EYA3: variants seen among roughly 807,000 people sequenced by gnomAD.
EYA3 encodes the protein protein phosphatase EYA3.
A neutral mutation model predicts 80.0 loss-of-function variants in EYA3; 39 were observed. The ratio of observed to expected loss-of-function variants is 0.49; its 90% CI spans 0.38 to 0.64. The LOEUF (loss-of-function observed/expected upper bound fraction) is 0.64. EYA3 is among the 30% of genes least tolerant of loss of function. The pLI is 0.00. For synonymous variants in EYA3, 206 were observed against 232.8 expected (o/e 0.88, Z 1.05); for missense variants, 523 against 676.1 (o/e 0.77, Z 2.51).
chr1:28,046,918 G>C (rs1380334116), intron 3 of EYA3, among the ~76,000 whole-genome samples: 1 of 151,654 alleles, frequency 6.6e-6, no homozygotes, highest in East Asian at 1.9e-4. Flanking sequence ...CGCAATCTTG[G>C]CTCACCACAA....
chr1:28,033,663 A>ATTTTT (rs1306134072), intron 6 of EYA3, among the ~76,000 whole-genome samples: 1 of 132,974 alleles, frequency 7.5e-6, no homozygotes, highest in Non-Finnish European at 1.7e-5. Context: ...TATTATTATT[A>ATTTTT]TTATTATTTT....
chr1:27,978,380 G>A lies in EYA3; in HGVS notation c.1635C>T (p.Ala545=), dbSNP rs774477492. The part of the protein sequence containing the change: ...IGDGRDEEIA[A]KQHNMPFWRI... The stretch of plus-strand genomic sequence containing the variant: ...TTTTCTTTACCATGGTTACCTGTTT[G>A]GCTGCAATTTCTTCATCTCGTCCAT... Residue 545 remains alanine, a synonymous_variant, in exon 17 of 18, where the codon GCC becomes GCT. Coordinates refer to ENST00000373871, the MANE Select transcript of EYA3 (RefSeq NM_001990.4). 1.9e-6 allele frequency: 3 copies of A among 1,612,856 alleles called. 1 individual carries two copies. In the South Asian group the frequency reaches 3.3e-5, roughly 18 times the overall value.
intron 10 of EYA3, among the ~76,000 whole-genome samples, chr1:28,005,578 G>A (rs938387491): frequency 6.6e-6 from 1 of 151,914 alleles, no homozygotes; most frequent in Non-Finnish European, 1.5e-5. Context: ...ACCCAGTTCC[G>A]GTGGTGCATG....
chr1:27,993,787 A>G (rs1640236735), intron 13 of EYA3, among the ~76,000 whole-genome samples: 1 of 152,232 alleles, frequency 6.6e-6, no homozygotes, highest in South Asian at 2.1e-4. Context: ...AAAGGTAGAA[A>G]CAATTCAAGC....
At chr1:28,062,657 GGTGTGTGTGT>G (rs71027260) in intron 1 of EYA3, among the ~76,000 whole-genome samples, 12 of 141,624 alleles carry the variant, frequency 8.5e-5, no homozygotes, top group African/African-American at 1.8e-4. Context: ...AATATATGTA[GGTGTGTGTGT>G]GTGTGTGTGT....
intron 1 of EYA3, among the ~76,000 whole-genome samples, chr1:28,071,650 T>C (rs1271297255): frequency 6.6e-6 from 1 of 152,194 alleles, no homozygotes; most frequent in Non-Finnish European, 1.5e-5. Flanking sequence ...CTGAAATTCT[T>C]TCTAAACATA....
At chr1:28,031,628 T>G (rs1011343468) in intron 6 of EYA3, among the ~76,000 whole-genome samples, 2 of 152,210 alleles carry the variant, frequency 1.3e-5, no homozygotes, top group Admixed American at 1.3e-4. Context: ...GTAACTCGTA[T>G]AGTGCTCTTT....
At position 28,017,228 on chromosome 1, in the gene EYA3, T is replaced by G; in HGVS notation, c.511A>C (p.Asn171His). The G allele has an allele frequency of 6.2e-7, 1 of 1,613,662 alleles. No homozygotes were observed. The highest frequency in any genetic ancestry group is 8.5e-7 in the Non-Finnish European group (1 of 1,179,648). The change falls in exon 8 of 18, where the codon AAT becomes CAT. Residue 171 changes from asparagine (N) to histidine (H), a missense_variant. By Grantham distance (68) the Asn-to-His change is moderately conservative. Transcript: ENST00000373871. ...GAAGAAGTAGATATCAGGCTGGCAT[T>G]TGTGCTTGAAGCTAGAGGATTGATG... ...YSYPIQASSTNASLISTSSTI... is the reference protein window; with the variant it reads ...YSYPIQASSTHASLISTSSTI...
intron 7 of EYA3, among the ~76,000 whole-genome samples, chr1:28,019,408 G>A (rs942588793): frequency 6.6e-6 from 1 of 152,244 alleles, no homozygotes; most frequent in African/African-American, 2.4e-5. Context: ...CTAAGAGGAA[G>A]CATCAAAACA....
intron 1 of EYA3, among the ~76,000 whole-genome samples, chr1:28,074,150 TA>T (rs1442957751): frequency 6.6e-6 from 1 of 152,208 alleles, no homozygotes; most frequent in Non-Finnish European, 1.5e-5. Flanking sequence ...ATTTTTCCAT[TA>T]CATAGATAAC....
chr1:28,007,337 CTTT>C (rs776771608), intron 10 of EYA3, among the ~76,000 whole-genome samples: 2 of 131,624 alleles, frequency 1.5e-5, no homozygotes. Context: ...TTCTTTCTTT[CTTT>C]TTTTTTTTTT....
intron 17 of EYA3, 34 bp from the exon 18 acceptor site, chr1:27,974,580 C>G (rs768687896): frequency 1.9e-5 from 30 of 1,568,252 alleles, no homozygotes; most frequent in Non-Finnish European, 2.5e-5. Context: ...GTTAATCCAA[C>G]TTCTTCTGAG....
rs1445196218 is a variant in EYA3 at position 28,009,872 on chromosome 1, T to C, written c.909+1075A>G. ...GAATCATGAAAAAGTTCTAGAAATA[T>C]ACAGTGGTGATGGTTAGACAATATT... On this transcript the variant is annotated intron_variant, in intron 10 of 17. Transcript: ENST00000373871. This position sits in a 1 kb window ranked among gnomAD's most constrained non-coding sequence, Gnocchi z 4.8. Among the ~76,000 whole-genome samples, 5 of 152,172 alleles carry C rather than the reference T, an allele frequency of 3.3e-5. No individual in the cohort carries two copies. The highest frequency in any genetic ancestry group is 3.8e-4 in the East Asian group (2 of 5,196).
chr1:28,087,099 A>T (rs1362127020), intron 1 of EYA3, among the ~76,000 whole-genome samples: 2 of 152,254 alleles, frequency 1.3e-5, no homozygotes, highest in Non-Finnish European at 2.9e-5. Context: ...TATAGATTAC[A>T]GAAACTGATG....
At chr1:28,029,658 T>C (rs1643006162) in intron 6 of EYA3, among the ~76,000 whole-genome samples, 1 of 151,358 alleles carries the variant, frequency 6.6e-6, no homozygotes, top group Admixed American at 6.6e-5. Flanking sequence ...AGTGGCACGA[T>C]GATCTCAGCT....
intron 3 of EYA3, among the ~76,000 whole-genome samples, chr1:28,044,374 T>C (rs986313342): frequency 2.6e-5 from 4 of 152,192 alleles, no homozygotes; most frequent in Admixed American, 2.0e-4. Flanking sequence ...ACCTACCTCA[T>C]AGGGCTGTCA....
At chr1:27,978,980 AC>A (rs1395516078) in intron 16 of EYA3, among the ~76,000 whole-genome samples, 2 of 152,060 alleles carry the variant, frequency 1.3e-5, no homozygotes, top group Admixed American at 1.3e-4. Flanking sequence ...CAAACAAACA[AC>A]CCAAAAACTT....
intron 1 of EYA3, among the ~76,000 whole-genome samples, chr1:28,077,827 G>A (rs1005950922): frequency 5.9e-5 from 9 of 152,100 alleles, no homozygotes; most frequent in African/African-American, 2.2e-4. Flanking sequence ...ATACAAAGTT[G>A]TACCCTATGT....
intron 2 of EYA3, among the ~76,000 whole-genome samples, chr1:28,052,712 G>A (rs1644293936): frequency 6.6e-6 from 1 of 152,158 alleles, no homozygotes; most frequent in Admixed American, 6.5e-5. Flanking sequence ...GGGAGGCTGA[G>A]GCAGGTGGAT....
Sources: gnomAD v4.1 joint callset for allele counts (sites outside exome capture counted in the v4.1 genomes callset) on GRCh38, gnomAD v4.1.1 for gene constraint, Gnocchi (gnomAD v3.1) non-coding constraint, MANE v1.5 for transcripts, NCBI Gene and HGNC (gene_info 2026-07-23, HGNC 2026-07-21) for gene names.